AGBL1: variants seen among roughly 807,000 people sequenced by gnomAD.
AGBL1 encodes AGBL carboxypeptidase 1.
A neutral mutation model predicts 118.9 loss-of-function variants in AGBL1; 130 were observed. The observed-to-expected ratio is 1.09, with a 90% CI of 0.95 to 1.26. The LOEUF (loss-of-function observed/expected upper bound fraction) is 1.26. AGBL1 is among the 50% of genes most tolerant of loss of function. The pLI is 0.00. For missense variants in AGBL1, 1,584 were observed against 1,298.1 expected, an observed-to-expected ratio of 1.22 and a Z score of -3.38; for synonymous variants, 555 against 478.9, an observed-to-expected ratio of 1.16 and a Z score of -2.08.
chr15:86,954,951 TCTTTA>T (rs1319469153), intron 23 of AGBL1, among the ~76,000 whole-genome samples: 4 of 152,180 alleles, frequency 2.6e-5, no homozygotes, highest in African/African-American at 9.6e-5. Context: ...AGTTCACGTA[TCTTTA>T]CTTATATATC....
Position 86,142,044 on chromosome 15 carries a change from T to C in AGBL1, c.92T>C (p.Val31Ala). The C allele has an allele frequency of 6.5e-7, 1 of 1,550,234 alleles. No individual in the cohort carries two copies. The highest frequency in any genetic ancestry group is 1.2e-5 in the South Asian group (1 of 83,940). The change falls in exon 2 of 23, where the codon GTC (valine) becomes GCC (alanine). Residue 31 changes from valine (V) to alanine (A), a missense_variant. Transcript: ENST00000614907. ...DKESILTILK[V>A]LGDLLSVGTD... is the part of the protein sequence containing the mutation. ...GAGTCCATCCTGACCATCCTCAAGG[T>C]CCTCGGAGATCTGCTTTCTGTTGGT...
rs555324768 is a variant in AGBL1 at position 86,688,670 on chromosome 15, T to C, written c.3158+14234T>C. Among the ~76,000 whole-genome samples the C allele has an allele frequency of 3.9e-5, 6 of 152,150 alleles. No individual in the cohort carries two copies. In the South Asian group the frequency reaches 1.2e-3, roughly 31 times the overall value. ...CCAAATATTTCCCTATGAAGTGAAA[T>C]GTTCAAACAAACCTGATTTTATTAT... On this transcript the variant is annotated intron_variant, in intron 22 of 22. Coordinates refer to ENST00000614907, the MANE Select transcript of AGBL1 (RefSeq NM_001386094.1).
chr15:86,201,131 T>C (rs2077900966), intron 5 of AGBL1, among the ~76,000 whole-genome samples: 1 of 152,178 alleles, frequency 6.6e-6, no homozygotes, highest in East Asian at 1.9e-4. Flanking sequence ...TTATTACCAT[T>C]ATACTCTACT....
At chr15:86,723,113 A>G (rs554266010) in intron 22 of AGBL1, among the ~76,000 whole-genome samples, 70 of 152,240 alleles carry the variant, frequency 4.6e-4, no homozygotes, top group Non-Finnish European at 9.0e-4. Context: ...TCAAGGATCT[A>G]GAACTAGAAA....
chr15:86,947,164 A>C lies in AGBL1; in HGVS notation c.3222-40823A>C, dbSNP rs543647410. On this transcript the variant is annotated intron_variant, in intron 23 of 24. Transcript: ENST00000441037. The stretch of plus-strand genomic sequence containing the variant: ...GGGAATTCTTTGCTGATCTTAATGA[A>C]TAATGAATAATGAAAGCTGCCCGGC... 2.0e-5 allele frequency among the ~76,000 whole-genome samples: 3 copies of C among 152,328 alleles called. No individual in the cohort carries two copies. In the South Asian group the frequency reaches 6.2e-4, roughly 32 times the overall value.
chr15:86,226,438 G>A (rs1327468440), intron 6 of AGBL1, among the ~76,000 whole-genome samples: 1 of 152,134 alleles, frequency 6.6e-6, no homozygotes, highest in African/African-American at 2.4e-5. Flanking sequence ...ATGTTTCATG[G>A]GAAGGGAGCC....
At chr15:86,727,888 T>C (rs1453680871) in intron 22 of AGBL1, among the ~76,000 whole-genome samples, 2 of 152,240 alleles carry the variant, frequency 1.3e-5, no homozygotes, top group Non-Finnish European at 2.9e-5. Flanking sequence ...CTCGGAAATA[T>C]AAGAACAGGT....
At position 86,264,327 on chromosome 15, in the gene AGBL1, C is replaced by G; in HGVS notation, c.1156C>G (p.Pro386Ala). 1 of 1,612,024 alleles carries G rather than the reference C, an allele frequency of 6.2e-7. No homozygotes were observed. Among genetic ancestry groups the G allele is most frequent in the Non-Finnish European group, 8.5e-7 (1 of 1,179,030 alleles). Residue 386 changes from proline (P) to alanine (A), a missense_variant, in exon 11 of 23, where the codon CCA becomes GCA. By Grantham distance (27) the Pro-to-Ala change is conservative (BLOSUM62 -1). Transcript: ENST00000614907. ...KTQYANHHHI[P>A]AAASSKQHCY... ...TCAGTATGCCAATCACCACCACATT[C>G]CAGCCGCTGCCTCCTCAAAACAGCA...
intron 22 of AGBL1, among the ~76,000 whole-genome samples, chr15:86,867,810 G>A (rs889215073): frequency 7.9e-5 from 12 of 152,182 alleles, no homozygotes; most frequent in Non-Finnish European, 1.5e-4. Context: ...GAAATGGATA[G>A]GATTGACTTT....
intron 22 of AGBL1, among the ~76,000 whole-genome samples, chr15:86,754,754 C>G (rs183965173): frequency 6.6e-6 from 1 of 152,034 alleles, no homozygotes; most frequent in Non-Finnish European, 1.5e-5. Flanking sequence ...AAAGTGGTTT[C>G]TTTATTCCCA....
chr15:86,945,153 G>A (rs2080802885), intron 23 of AGBL1, among the ~76,000 whole-genome samples: 4 of 150,916 alleles, frequency 2.7e-5, no homozygotes, highest in Admixed American at 2.6e-4. Context: ...GCTGAGGCAG[G>A]AGGATCGCCT....
chr15:86,639,495 CT>C (rs1251224530), intron 21 of AGBL1, among the ~76,000 whole-genome samples: 1 of 152,166 alleles, frequency 6.6e-6, no homozygotes. Context: ...ACTACTGTTT[CT>C]TAAAAATACT....
intron 21 of AGBL1, among the ~76,000 whole-genome samples, chr15:86,582,332 T>A (rs1391323971): frequency 1.3e-5 from 2 of 152,070 alleles, no homozygotes; most frequent in Non-Finnish European, 1.5e-5. Flanking sequence ...GGAAATAGAT[T>A]TACTGGTCTA....
chr15:86,721,300 C>T, intron 22 of AGBL1, among the ~76,000 whole-genome samples: 1 of 152,178 alleles, frequency 6.6e-6, no homozygotes, highest in Non-Finnish European at 1.5e-5. Flanking sequence ...GCTAATCCAC[C>T]ATGATCAAGT....
intron 22 of AGBL1, among the ~76,000 whole-genome samples, chr15:86,885,749 T>C (rs1019145187): frequency 1.3e-5 from 2 of 152,190 alleles, no homozygotes; most frequent in African/African-American, 4.8e-5. Context: ...GAGTCAATGG[T>C]AGGTGGTAGC....
chr15:87,008,236 T>C (rs2081523794), intron 24 of AGBL1, among the ~76,000 whole-genome samples: 1 of 152,188 alleles, frequency 6.6e-6, no homozygotes. Flanking sequence ...AATTCCCATG[T>C]GTTGTGGGAG....
downstream of AGBL1, among the ~76,000 whole-genome samples, chr15:86,918,813 G>A (rs1156579040): frequency 6.6e-6 from 1 of 152,194 alleles, no homozygotes; most frequent in Admixed American, 6.5e-5. Context: ...TGAACAACAT[G>A]AATTTCAAAC....
At chr15:86,890,322 T>C (rs966023400) in intron 22 of AGBL1, among the ~76,000 whole-genome samples, 1 of 152,208 alleles carries the variant, frequency 6.6e-6, no homozygotes, top group African/African-American at 2.4e-5. Context: ...GCAAAAATTG[T>C]CTCCCATTCT....
At chr15:86,355,584 CA>C (rs764162296) in intron 17 of AGBL1, among the ~76,000 whole-genome samples, 4 of 152,192 alleles carry the variant, frequency 2.6e-5, no homozygotes, top group Non-Finnish European at 5.9e-5. Flanking sequence ...ACAAATCTTC[CA>C]GCCAATATTA....
Sources: gnomAD v4.1 joint callset for allele counts (sites outside exome capture counted in the v4.1 genomes callset) on GRCh38, gnomAD v4.1.1 for gene constraint, MANE v1.5 for transcripts, NCBI Gene and HGNC (gene_info 2026-07-23, HGNC 2026-07-21) for gene names.